Variants in RPS6KC1 observed in about 807,000 individuals in gnomAD.
The protein encoded by RPS6KC1 is inactive ribosomal protein S6 kinase delta-1.
In RPS6KC1, 54 loss-of-function variants were observed where a neutral mutation model predicts 103.8. The observed-to-expected ratio is 0.52, with a 90% CI of 0.42 to 0.65. The LOEUF (loss-of-function observed/expected upper bound fraction) is 0.65, where lower values mean the gene tolerates loss of function less well. RPS6KC1 is among the 30% of genes least tolerant of loss of function. The pLI, the probability that RPS6KC1 is intolerant of heterozygous loss-of-function variation, is 0.00. For missense variants in RPS6KC1, 1,151 were observed against 1,253.8 expected (o/e 0.92, Z 1.24); for synonymous variants, 439 against 438.7 (o/e 1.00, Z -0.01).
chr1:213,774,378 G>A, the RPS6KC1 span, among the ~76,000 whole-genome samples: 1 of 152,160 alleles, frequency 6.6e-6, no homozygotes, highest in Non-Finnish European at 1.5e-5. Context: ...GGGCTGACAT[G>A]ATCCCTCATC....
chr1:213,156,861 C>A (rs1252890622), intron 6 of RPS6KC1, among the ~76,000 whole-genome samples: 8 of 152,048 alleles, frequency 5.3e-5, no homozygotes, highest in Non-Finnish European at 2.9e-5. Flanking sequence ...TTTTGTTGAT[C>A]TTTTTGAAGA....
At chr1:213,615,243 G>A in the RPS6KC1 span, among the ~76,000 whole-genome samples, 2 of 152,218 alleles carry the variant, frequency 1.3e-5, no homozygotes, top group East Asian at 3.8e-4. Context: ...GGGAAGTGTG[G>A]GAGGCTGTCA....
chr1:213,357,351 T>C, the RPS6KC1 span, among the ~76,000 whole-genome samples: 1 of 152,188 alleles, frequency 6.6e-6, no homozygotes, highest in African/African-American at 2.4e-5. Context: ...CTCAGCCTGG[T>C]GCACAGTCTA....
At chr1:213,198,048 C>T (rs1387619503) in intron 8 of RPS6KC1, among the ~76,000 whole-genome samples, 1 of 151,984 alleles carries the variant, frequency 6.6e-6, no homozygotes, top group African/African-American at 2.4e-5. Flanking sequence ...TTTATAGGCC[C>T]TGTGAGATGT....
At chr1:213,841,595 C>G in the RPS6KC1 span, among the ~76,000 whole-genome samples, 75 of 152,178 alleles carry the variant, frequency 4.9e-4, 1 homozygote, top group South Asian at 1.0e-3. Flanking sequence ...CTCCTCACTT[C>G]CTCCCCCAAT....
the RPS6KC1 span, among the ~76,000 whole-genome samples, chr1:213,368,753 G>A: frequency 6.6e-6 from 1 of 152,226 alleles, no homozygotes; most frequent in African/African-American, 2.4e-5. Context: ...TCCTGCAAAA[G>A]AGAGCTGGCC....
At chr1:213,395,213 G>A in the RPS6KC1 span, among the ~76,000 whole-genome samples, 4 of 152,154 alleles carry the variant, frequency 2.6e-5, no homozygotes, top group African/African-American at 9.7e-5. Flanking sequence ...GGCTCTGGTG[G>A]GTGATTTCCT....
chr1:213,504,685 A>G, the RPS6KC1 span, among the ~76,000 whole-genome samples: 2 of 152,174 alleles, frequency 1.3e-5, no homozygotes, highest in Non-Finnish European at 2.9e-5. Context: ...TTTGAAAAGT[A>G]TTATCTTTTC....
the RPS6KC1 span, among the ~76,000 whole-genome samples, chr1:213,719,275 A>G: frequency 6.6e-6 from 1 of 152,212 alleles, no homozygotes; most frequent in Non-Finnish European, 1.5e-5. Context: ...TCATTTAATG[A>G]GTGCCTACTA....
At chr1:213,230,790 G>A (rs2094080453) in intron 9 of RPS6KC1, among the ~76,000 whole-genome samples, 2 of 138,170 alleles carry the variant, frequency 1.4e-5, no homozygotes, top group African/African-American at 2.8e-5. Flanking sequence ...AACCAAGATT[G>A]CACCATTGCA....
chr1:213,536,772 G>A, the RPS6KC1 span, among the ~76,000 whole-genome samples: 2 of 152,198 alleles, frequency 1.3e-5, no homozygotes, highest in African/African-American at 4.8e-5. Flanking sequence ...CTGGTGTTGT[G>A]CCAAACCCCT....
chr1:213,431,020 G>C, the RPS6KC1 span, among the ~76,000 whole-genome samples: 7 of 152,218 alleles, frequency 4.6e-5, no homozygotes, highest in Non-Finnish European at 7.3e-5. Context: ...TTGGGGGTGG[G>C]GGAGTGTGGG....
At chr1:213,679,497 A>G in the RPS6KC1 span, among the ~76,000 whole-genome samples, 9,196 of 152,246 alleles carry the variant, frequency 0.06, 785 homozygotes, top group African/African-American at 0.19. Flanking sequence ...AAGTAACTCA[A>G]AGTTACTGAT....
chr1:213,601,465 A>G, the RPS6KC1 span, among the ~76,000 whole-genome samples: 1 of 148,104 alleles, frequency 6.8e-6, no homozygotes, highest in African/African-American at 2.5e-5. Flanking sequence ...ATGTAAATAT[A>G]TATTTATATA....
intron 3 of RPS6KC1, among the ~76,000 whole-genome samples, chr1:213,095,041 T>C (rs1291622559): frequency 6.6e-6 from 1 of 152,120 alleles, no homozygotes; most frequent in Non-Finnish European, 1.5e-5. Context: ...CAGCATCCAA[T>C]CCAGGGCAGA....
At chr1:213,631,807 T>A in the RPS6KC1 span, among the ~76,000 whole-genome samples, 25 of 152,252 alleles carry the variant, frequency 1.6e-4, no homozygotes, top group Non-Finnish European at 3.2e-4. Flanking sequence ...AATATGGGTT[T>A]TTTGCCCTAC....
intron 3 of RPS6KC1, among the ~76,000 whole-genome samples, chr1:213,099,799 C>G (rs1246731705): frequency 2.0e-5 from 3 of 152,136 alleles, no homozygotes; most frequent in Non-Finnish European, 2.9e-5. Context: ...GGGATTCATC[C>G]ATACTGTTGT....
At chr1:213,541,687 G>C in the RPS6KC1 span, among the ~76,000 whole-genome samples, 1 of 152,118 alleles carries the variant, frequency 6.6e-6, no homozygotes, top group Non-Finnish European at 1.5e-5. Flanking sequence ...ATAAGATAAA[G>C]GACACATATT....
the RPS6KC1 span, among the ~76,000 whole-genome samples, chr1:213,472,654 G>C: frequency 1.3e-5 from 2 of 152,192 alleles, no homozygotes; most frequent in Non-Finnish European, 2.9e-5. Flanking sequence ...AATGTTGACA[G>C]TTTCCTTGGA....
Sources: allele counts gnomAD v4.1 joint callset (sites outside exome capture counted in the v4.1 genomes callset), GRCh38; gene constraint gnomAD v4.1.1; transcripts MANE v1.5; gene names NCBI Gene and HGNC (gene_info 2026-07-23, HGNC 2026-07-21).